Variants in PYGB observed in about 807,000 individuals in gnomAD.
PYGB encodes the protein glycogen phosphorylase, brain form.
Under a neutral mutation model 94.3 loss-of-function variants are expected in PYGB, and 82 were observed. The ratio of observed to expected loss-of-function variants is 0.87; its 90% CI spans 0.73 to 1.04. The LOEUF (loss-of-function observed/expected upper bound fraction) is 1.04. PYGB is among the 50% of genes least tolerant of loss of function. The pLI is 0.00. For missense variants in PYGB, 1,132 were observed against 1,158.2 expected (o/e 0.98, Z 0.33); for synonymous variants, 488 against 479.1 (o/e 1.02, Z -0.24).
intron 19 of PYGB, 148 bp downstream of exon 19, chr20:25,295,818 C>T (rs2088533490): frequency 2.2e-6 from 2 of 898,616 alleles, no homozygotes; most frequent in East Asian, 2.6e-5. Context: ...GTCGGCTGTG[C>T]CTGCCTTTAG....
chr20:25,277,844 G>A (rs1020633930), intron 7 of PYGB, among the ~76,000 whole-genome samples: 5 of 152,254 alleles, frequency 3.3e-5, no homozygotes, highest in African/African-American at 9.6e-5. Flanking sequence ...AGTGCCCAGT[G>A]GCTTTCTTTT....
chr20:25,258,596 C>T (rs932943577), intron 1 of PYGB, among the ~76,000 whole-genome samples: 1 of 152,226 alleles, frequency 6.6e-6, no homozygotes, highest in Admixed American at 6.5e-5. Context: ...CCTAGAACCC[C>T]GCTCAGGGCC....
intron 14 of PYGB, chr20:25,288,210 G>A (rs2088434580): frequency 8.6e-6 from 6 of 695,366 alleles, no homozygotes; most frequent in Non-Finnish European, 1.6e-5. Context: ...AGACCTCAGG[G>A]TGGCCTCACT....
At chr20:25,293,134 GGTGGGGGAGTGGGGGGGA>G in intron 17 of PYGB, among the ~76,000 whole-genome samples, 1 of 145,402 alleles carries the variant, frequency 6.9e-6, no homozygotes. Context: ...GGTCGGGGGG[GGTGGGGGAGTGGGGGGGA>G]TGGGGGGGTT....
chr20:25,280,940 T>C lies in PYGB; in HGVS notation c.1240-9T>C. The C allele has an allele frequency of 1.2e-6, 2 of 1,613,338 alleles. No homozygotes were observed. Among genetic ancestry groups the C allele is most frequent in the South Asian group, 1.1e-5 (1 of 91,018 alleles). ...TGCCCACCCACCTGCCTCTGTGTTT[T>C]GGCACCAGCACGTGGCCGCGCTGTT... On this transcript the variant is annotated splice_polypyrimidine_tract_variant and intron_variant, in intron 10 of 19. Coordinates refer to ENST00000216962, the MANE Select transcript of PYGB (RefSeq NM_002862.4).
intron 1 of PYGB, among the ~76,000 whole-genome samples, chr20:25,248,649 GCGCCTGGCGGGGT>G (rs2092878312): frequency 6.7e-6 from 1 of 149,382 alleles, no homozygotes; most frequent in African/African-American, 2.5e-5. Context: ...CTGGGAGCCC[GCGCCTGGCGGGGT>G]CCGCCGTCCC....
At chr20:25,254,407 C>T (rs6076328) in intron 1 of PYGB, among the ~76,000 whole-genome samples, 3 of 152,072 alleles carry the variant, frequency 2.0e-5, no homozygotes, top group Non-Finnish European at 4.4e-5. Flanking sequence ...TCAAAGCATC[C>T]TAAGACATGC....
chr20:25,281,167 G>T, intron 11 of PYGB, 55 bp downstream of exon 11: 2 of 1,591,580 alleles, frequency 1.3e-6, no homozygotes, highest in Admixed American at 3.4e-5. Flanking sequence ...CCAGGCCTGC[G>T]TCTAGGACCA....
intron 18 of PYGB, 40 bp downstream of exon 18, chr20:25,294,332 G>A (rs1480035498): frequency 4.4e-6 from 4 of 905,182 alleles, no homozygotes; most frequent in Non-Finnish European, 6.9e-6. Context: ...GGGAGGGAGG[G>A]AGGGAGGGAG....
At chr20:25,262,609 T>A (rs1025847589) in intron 2 of PYGB, among the ~76,000 whole-genome samples, 3 of 152,000 alleles carry the variant, frequency 2.0e-5, no homozygotes, top group Non-Finnish European at 4.4e-5. Context: ...AATGACAGGA[T>A]CAAATTCACA....
At chr20:25,283,852 G>A (rs1182441336) in intron 13 of PYGB, among the ~76,000 whole-genome samples, 1 of 152,058 alleles carries the variant, frequency 6.6e-6, no homozygotes, top group Admixed American at 6.5e-5. Context: ...TCTTCTGCTT[G>A]GCTCCAGGCG....
intron 5 of PYGB, among the ~76,000 whole-genome samples, chr20:25,275,425 A>G (rs1185690657): frequency 2.0e-5 from 3 of 152,182 alleles, no homozygotes; most frequent in African/African-American, 7.2e-5. Context: ...CTGCAGGAGA[A>G]CGTGGGGGCA....
chr20:25,249,388 T>G (rs7269584), intron 1 of PYGB, among the ~76,000 whole-genome samples: 6,942 of 152,268 alleles, frequency 0.046, 171 homozygotes, highest in Middle Eastern at 0.11. Context: ...TTGTTGTCGT[T>G]TGCTTTTAAA....
chr20:25,252,414 G>T (rs2092890584), intron 1 of PYGB, among the ~76,000 whole-genome samples: 1 of 152,196 alleles, frequency 6.6e-6, no homozygotes, highest in South Asian at 2.1e-4. Context: ...TTACAATTCA[G>T]TTCCGTTCTG....
Position 25,280,949 on chromosome 20 carries a change from C to G in PYGB, c.1240C>G (p.His414Asp). The G allele has an allele frequency of 1.2e-6, 2 of 1,613,562 alleles. No individual in the cohort carries two copies. Among genetic ancestry groups the G allele is most frequent in the Non-Finnish European group, 1.7e-6 (2 of 1,179,692 alleles). Reference sequence around the variant, plus strand: ...ACCTGCCTCTGTGTTTTGGCACCAGCACGTGGCCGCGCTGTTTCCCGGCGA... The same window carrying G: ...ACCTGCCTCTGTGTTTTGGCACCAGGACGTGGCCGCGCTGTTTCCCGGCGA... ...IYAINQRHLD[H>D]VAALFPGDVD... The change falls in exon 11 of 20, where the codon CAC (histidine) becomes GAC (aspartate). Residue 414 changes from histidine (H) to aspartate (D), a missense_variant and splice_region_variant. Coordinates refer to ENST00000216962, the MANE Select transcript of PYGB (RefSeq NM_002862.4).
At chr20:25,294,045 G>A (rs531260783) in intron 17 of PYGB, 113 bp from the exon 18 acceptor site, 410 of 1,451,252 alleles carry the variant, frequency 2.8e-4, no homozygotes, top group Non-Finnish European at 1.2e-4. Flanking sequence ...TGCAGGCCTT[G>A]AGCTCCCAGG....
At chr20:25,272,181 G>C (rs940218401) in intron 4 of PYGB, among the ~76,000 whole-genome samples, 2 of 152,220 alleles carry the variant, frequency 1.3e-5, no homozygotes, top group African/African-American at 4.8e-5. Context: ...GTTAGAAAAT[G>C]GTTTATTTAA....
chr20:25,262,731 C>T (rs1408640755), intron 2 of PYGB, among the ~76,000 whole-genome samples: 4 of 151,544 alleles, frequency 2.6e-5, no homozygotes, highest in Non-Finnish European at 5.9e-5. Context: ...ATCTCACATG[C>T]GGAGACACAC....
At chr20:25,282,391 T>G (rs923303369) in intron 12 of PYGB, among the ~76,000 whole-genome samples, 2 of 152,210 alleles carry the variant, frequency 1.3e-5, no homozygotes, top group Non-Finnish European at 2.9e-5. Context: ...GGCTGGGGTG[T>G]GGCTGAGTGC....
Sources: gnomAD v4.1 joint callset for allele counts (sites outside exome capture counted in the v4.1 genomes callset) on GRCh38, gnomAD v4.1.1 for gene constraint, MANE v1.5 for transcripts, NCBI Gene and HGNC (gene_info 2026-07-23, HGNC 2026-07-21) for gene names.